Variants in CTNNA3 observed in about 807,000 individuals in gnomAD.
CTNNA3 encodes catenin alpha 3.
In CTNNA3, 76 loss-of-function variants were observed where a neutral mutation model predicts 95.7. The ratio of observed to expected loss-of-function variants is 0.79; its 90% CI spans 0.66 to 0.96. CTNNA3 has a LOEUF of 0.96. Among genes scored for constraint, CTNNA3 ranks in the 40% least tolerant of loss-of-function variants. CTNNA3 has a pLI of 0.00. For missense variants in CTNNA3, 1,191 were observed against 1,089.8 expected, an observed-to-expected ratio of 1.09 and a Z score of -1.31; for synonymous variants, 431 against 374.4, an observed-to-expected ratio of 1.15 and a Z score of -1.74.
At chr10:67,726,942 ATATAT>A (rs1406942295) in intron 1 of CTNNA3, among the ~76,000 whole-genome samples, 1 of 116,508 alleles carries the variant, frequency 8.6e-6, no homozygotes, top group East Asian at 2.4e-4. Flanking sequence ...CATATATCAT[ATATAT>A]TATATATTAT....
chr10:66,224,534 T>A (rs1001418826), intron 13 of CTNNA3, among the ~76,000 whole-genome samples: 3 of 152,170 alleles, frequency 2.0e-5, no homozygotes, highest in African/African-American at 7.2e-5. Context: ...AAATTTTCTC[T>A]TACAATTTTT....
chr10:66,882,779 T>C (rs1409073291), intron 7 of CTNNA3, among the ~76,000 whole-genome samples: 2 of 152,070 alleles, frequency 1.3e-5, no homozygotes, highest in Admixed American at 6.6e-5. Context: ...AAATAATTTA[T>C]CAAGGGGAAA....
At chr10:66,479,475 A>G (rs986519470) in intron 11 of CTNNA3, among the ~76,000 whole-genome samples, 2 of 152,050 alleles carry the variant, frequency 1.3e-5, no homozygotes, top group African/African-American at 4.8e-5. Context: ...TCTTTAAATC[A>G]ATACACAAAT....
intron 7 of CTNNA3, among the ~76,000 whole-genome samples, chr10:67,077,141 T>C (rs928924945): frequency 6.6e-6 from 1 of 152,162 alleles, no homozygotes; most frequent in African/African-American, 2.4e-5. Flanking sequence ...TCCATCTCTG[T>C]GGCCACTCCC....
At chr10:66,559,157 T>C (rs1040653960) in intron 10 of CTNNA3, among the ~76,000 whole-genome samples, 1 of 152,102 alleles carries the variant, frequency 6.6e-6, no homozygotes, top group Non-Finnish European at 1.5e-5. Context: ...TTATTACCTA[T>C]ACAAATCATC....
intron 7 of CTNNA3, chr10:67,176,838 CA>C (rs1294793240): frequency 4.6e-6 from 2 of 439,136 alleles, no homozygotes; most frequent in African/African-American, 4.0e-5. Context: ...GGCAGAGGGC[CA>C]TGAGCCAAGG....
chr10:66,624,102 T>G (rs534725463), intron 9 of CTNNA3, among the ~76,000 whole-genome samples: 18 of 152,320 alleles, frequency 1.2e-4, no homozygotes, highest in African/African-American at 3.4e-4. Flanking sequence ...TTGGTATTCA[T>G]AAGATCTCTG....
intron 14 of CTNNA3, among the ~76,000 whole-genome samples, chr10:66,102,228 T>C (rs892496466): frequency 6.6e-6 from 1 of 152,160 alleles, no homozygotes; most frequent in African/African-American, 2.4e-5. Flanking sequence ...AATAATAATA[T>C]TAATAATGAT....
At chr10:67,694,754 T>C (rs377079922) in intron 1 of CTNNA3, among the ~76,000 whole-genome samples, 19 of 151,806 alleles carry the variant, frequency 1.3e-4, no homozygotes, top group African/African-American at 4.3e-4. Flanking sequence ...TTTAAAGCCA[T>C]CTAGAAAAAA....
intron 5 of CTNNA3, among the ~76,000 whole-genome samples, chr10:67,489,108 G>GT (rs1317457227): frequency 1.3e-5 from 2 of 152,062 alleles, no homozygotes; most frequent in African/African-American, 4.8e-5. Flanking sequence ...TATCACATAG[G>GT]TAAAAAACCA....
chr10:67,611,084 C>T (rs1195222003), intron 2 of CTNNA3, among the ~76,000 whole-genome samples: 1 of 152,146 alleles, frequency 6.6e-6, no homozygotes, highest in East Asian at 1.9e-4. Context: ...ATTAATTCTG[C>T]AAGTTTAACA....
intron 17 of CTNNA3, among the ~76,000 whole-genome samples, chr10:65,941,656 A>G (rs1189369918): frequency 6.6e-6 from 1 of 152,146 alleles, no homozygotes; most frequent in Non-Finnish European, 1.5e-5. Context: ...CAAGTTCAGA[A>G]TGTTACTCTG....
intron 7 of CTNNA3, among the ~76,000 whole-genome samples, chr10:66,906,772 C>A (rs1039270363): frequency 5.9e-5 from 9 of 151,540 alleles, no homozygotes; most frequent in African/African-American, 1.5e-4. Context: ...TTTTTTAGTG[C>A]GTCTCTTTTA....
intron 7 of CTNNA3, among the ~76,000 whole-genome samples, chr10:67,141,073 C>G (rs1860534989): frequency 6.6e-6 from 1 of 152,172 alleles, no homozygotes; most frequent in Non-Finnish European, 1.5e-5. Flanking sequence ...AATAGGACAT[C>G]ACCTCAATGT....
At chr10:66,175,177 T>TGCACACACACAC in intron 13 of CTNNA3, among the ~76,000 whole-genome samples, 1 of 151,868 alleles carries the variant, frequency 6.6e-6, no homozygotes, top group South Asian at 2.1e-4. Flanking sequence ...AACACACACA[T>TGCACACACACAC]GCACACACAC....
At chr10:66,813,845 A>AGTGTGTGTGTGTGT (rs66464661) in intron 7 of CTNNA3, among the ~76,000 whole-genome samples, 1 of 149,618 alleles carries the variant, frequency 6.7e-6, no homozygotes, top group Non-Finnish European at 1.5e-5. Flanking sequence ...TGTGTGTGTG[A>AGTGTGTGTGTGTGT]GTGTGTGTGT....
intron 11 of CTNNA3, among the ~76,000 whole-genome samples, chr10:66,447,618 C>T (rs1025348899): frequency 3.9e-5 from 6 of 152,066 alleles, no homozygotes; most frequent in East Asian, 1.9e-4. Flanking sequence ...AACTGGCTAG[C>T]GATATGTAGA....
At chr10:66,633,482 C>T (rs1187529195) in intron 9 of CTNNA3, among the ~76,000 whole-genome samples, 1 of 152,022 alleles carries the variant, frequency 6.6e-6, no homozygotes, top group Non-Finnish European at 1.5e-5. Context: ...AGATCAAGAC[C>T]ATCCTGGCTA....
intron 5 of CTNNA3, among the ~76,000 whole-genome samples, chr10:67,343,402 C>T (rs1842291161): frequency 6.6e-6 from 1 of 152,018 alleles, no homozygotes; most frequent in Non-Finnish European, 1.5e-5. Flanking sequence ...GAATATCTTT[C>T]CATTTTTTGG....
Sources: gnomAD v4.1 joint callset for allele counts (sites outside exome capture counted in the v4.1 genomes callset) on GRCh38, gnomAD v4.1.1 for gene constraint, MANE v1.5 for transcripts, NCBI Gene and HGNC (gene_info 2026-07-23, HGNC 2026-07-21) for gene names.